CCDC85A: variants seen among roughly 807,000 people sequenced by gnomAD.
The protein encoded by CCDC85A is coiled-coil domain-containing protein 85A.
CCDC85A carries 38 observed loss-of-function variants against 50.2 expected under a neutral mutation model. The observed-to-expected ratio is 0.76, with a 90% CI of 0.58 to 0.99. The LOEUF is 0.99. CCDC85A is among the 50% of genes least tolerant of loss of function. The pLI, the probability that CCDC85A is intolerant of heterozygous loss-of-function variation, is 0.00. For missense variants in CCDC85A, 820 were observed against 742.0 expected, an observed-to-expected ratio of 1.11 and a Z score of -1.22; for synonymous variants, 366 against 301.4, an observed-to-expected ratio of 1.21 and a Z score of -2.22.
intron 2 of CCDC85A, among the ~76,000 whole-genome samples, chr2:56,328,781 G>A (rs898617399): frequency 6.6e-6 from 1 of 152,004 alleles, no homozygotes; most frequent in Non-Finnish European, 1.5e-5. Flanking sequence ...TCCTGGAGAC[G>A]TATTGAATCT....
intron 2 of CCDC85A, among the ~76,000 whole-genome samples, chr2:56,255,912 G>A (rs1040168097): frequency 6.6e-6 from 1 of 152,146 alleles, no homozygotes; most frequent in African/African-American, 2.4e-5. Context: ...GTAACAAGGA[G>A]TCACATTTCC....
intron 2 of CCDC85A, among the ~76,000 whole-genome samples, chr2:56,323,747 T>C (rs538382701): frequency 6.6e-6 from 1 of 152,232 alleles, no homozygotes; most frequent in South Asian, 2.1e-4. Flanking sequence ...AGACTTATTA[T>C]GTGTACCCCT....
chr2:56,282,256 G>C (rs1319368986), intron 2 of CCDC85A, among the ~76,000 whole-genome samples: 2 of 151,474 alleles, frequency 1.3e-5, no homozygotes, highest in Non-Finnish European at 1.5e-5. Context: ...AGATTCTGTT[G>C]TTATGTTTGT....
At chr2:56,200,247 C>T (rs528846962) in intron 2 of CCDC85A, among the ~76,000 whole-genome samples, 6 of 152,330 alleles carry the variant, frequency 3.9e-5, no homozygotes, top group African/African-American at 1.4e-4. Flanking sequence ...CAAATATTTG[C>T]TTCTTGGATA....
intron 3 of CCDC85A, among the ~76,000 whole-genome samples, chr2:56,355,979 T>A (rs1675205205): frequency 6.6e-6 from 1 of 152,202 alleles, no homozygotes; most frequent in South Asian, 2.1e-4. Flanking sequence ...ATAGCCAAGC[T>A]CTATCAATTG....
intron 3 of CCDC85A, among the ~76,000 whole-genome samples, chr2:56,350,345 C>T (rs371548312): frequency 7.2e-5 from 11 of 151,872 alleles, no homozygotes; most frequent in South Asian, 4.1e-4. Flanking sequence ...CCGAGGTGGG[C>T]GGATCACTTG....
chr2:56,236,539 AG>A (rs2103952737), intron 2 of CCDC85A, among the ~76,000 whole-genome samples: 1 of 152,328 alleles, frequency 6.6e-6, no homozygotes, highest in East Asian at 1.9e-4. Flanking sequence ...TGAAGGGTAG[AG>A]GAGGCGTGAG....
At chr2:56,252,339 C>T (rs1270632726) in intron 2 of CCDC85A, among the ~76,000 whole-genome samples, 2 of 152,112 alleles carry the variant, frequency 1.3e-5, no homozygotes, top group Admixed American at 6.6e-5. Context: ...AGCCACTGCG[C>T]CTGACCTCAT....
intron 3 of CCDC85A, among the ~76,000 whole-genome samples, chr2:56,358,779 C>CT (rs1253635035): frequency 7.5e-6 from 1 of 132,544 alleles, no homozygotes; most frequent in Non-Finnish European, 1.6e-5. Flanking sequence ...ATATTTTTGT[C>CT]TTTTTTTCTT....
At chr2:56,320,556 C>G (rs1442805123) in intron 2 of CCDC85A, among the ~76,000 whole-genome samples, 1 of 152,126 alleles carries the variant, frequency 6.6e-6, no homozygotes, top group Non-Finnish European at 1.5e-5. Flanking sequence ...TGGATCAATT[C>G]CTGGAAACAT....
intron 2 of CCDC85A, among the ~76,000 whole-genome samples, chr2:56,246,470 A>G (rs1202594841): frequency 2.0e-5 from 3 of 151,540 alleles, no homozygotes; most frequent in Admixed American, 1.3e-4. Context: ...ATTTATGCCT[A>G]TGTTTTCTTC....
intron 3 of CCDC85A, among the ~76,000 whole-genome samples, chr2:56,356,975 A>G (rs1675268292): frequency 6.6e-6 from 1 of 150,904 alleles, no homozygotes; most frequent in Non-Finnish European, 1.5e-5. Context: ...GCTATTCGGG[A>G]GGTTGAGGCA....
chr2:56,214,508 G>A (rs533332705), intron 2 of CCDC85A, among the ~76,000 whole-genome samples: 15 of 151,990 alleles, frequency 9.9e-5, no homozygotes, highest in Non-Finnish European at 2.1e-4. Context: ...GTACGTTTAG[G>A]TATCTCATTA....
chr2:56,357,010 C>T (rs765004204), intron 3 of CCDC85A, among the ~76,000 whole-genome samples: 5 of 149,998 alleles, frequency 3.3e-5, no homozygotes, highest in Non-Finnish European at 7.4e-5. Context: ...ACCTGGGAGG[C>T]GGAGCTTGCA....
At chr2:56,381,523 C>G (rs1390901946) in intron 5 of CCDC85A, among the ~76,000 whole-genome samples, 1 of 151,996 alleles carries the variant, frequency 6.6e-6, no homozygotes, top group African/African-American at 2.4e-5. Context: ...TGGGTAAGAA[C>G]CCGAACACTC....
At chr2:56,339,732 C>T (rs1674261949) in intron 2 of CCDC85A, among the ~76,000 whole-genome samples, 1 of 151,946 alleles carries the variant, frequency 6.6e-6, no homozygotes, top group Non-Finnish European at 1.5e-5. Flanking sequence ...ACTTGGATGG[C>T]CTTATCAAGT....
rs568493680 is a variant in CCDC85A at position 56,320,308 on chromosome 2, T to TAGAG, written c.1241-22569_1241-22566dup. On this transcript the variant is annotated intron_variant, in intron 2 of 5. Transcript: ENST00000407595. ...AAGATCAGAGCAGAACTGAAGGAGA[T>TAGAG]AGAGACACAAAAAACCCTTCAAAAA... Among the ~76,000 whole-genome samples, 1,221 of 151,686 alleles carry TAGAG rather than the reference T, an allele frequency of 8.0e-3. 26 individuals carry two copies. The highest frequency in any genetic ancestry group is 0.028 in the African/African-American group (1,147 of 41,330).
chr2:56,337,182 T>C (rs1003740432), intron 2 of CCDC85A, among the ~76,000 whole-genome samples: 2 of 152,230 alleles, frequency 1.3e-5, no homozygotes, highest in Non-Finnish European at 2.9e-5. Flanking sequence ...TGTTTCTTAA[T>C]TTGTTTTTCT....
At chr2:56,288,887 A>G (rs897161939) in intron 2 of CCDC85A, among the ~76,000 whole-genome samples, 3 of 152,228 alleles carry the variant, frequency 2.0e-5, no homozygotes, top group South Asian at 2.1e-4. Flanking sequence ...GAGAAATCAC[A>G]TCTGCTCTCT....
Sources: allele counts gnomAD v4.1 joint callset (sites outside exome capture counted in the v4.1 genomes callset), GRCh38; gene constraint gnomAD v4.1.1; transcripts MANE v1.5; gene names NCBI Gene and HGNC (gene_info 2026-07-23, HGNC 2026-07-21).